ITGA8: variants seen among roughly 807,000 people sequenced by gnomAD.
The protein encoded by ITGA8 is integrin alpha-8.
ITGA8 carries 91 observed loss-of-function variants against 142.3 expected under a neutral mutation model. The observed-to-expected ratio is 0.64, with a 90% CI of 0.54 to 0.76. The LOEUF (loss-of-function observed/expected upper bound fraction) is 0.76. ITGA8 is among the 30% of genes least tolerant of loss of function. ITGA8 has a pLI of 0.00. For missense variants in ITGA8, 1,406 were observed against 1,327.7 expected, an observed-to-expected ratio of 1.06 and a Z score of -0.92; for synonymous variants, 505 against 485.2, an observed-to-expected ratio of 1.04 and a Z score of -0.54.
chr10:15,588,015 A>G (rs1042568969), intron 22 of ITGA8, among the ~76,000 whole-genome samples: 2 of 152,138 alleles, frequency 1.3e-5, no homozygotes, highest in Non-Finnish European at 2.9e-5. Flanking sequence ...CAGCCACATC[A>G]CCACTAACAG....
rs59435924 is a variant in ITGA8 at position 15,586,049 on chromosome 10, A to ATTTTT, written c.2372+530_2372+534dup. On this transcript the variant is annotated intron_variant, in intron 23 of 29. Coordinates refer to ENST00000378076, the MANE Select transcript of ITGA8 (RefSeq NM_003638.3). ...CACTGTCAATTTGGGGAATAAAGTG[A>ATTTTT]TTTTTTTTTTTTTTTTTTTTTTTTT... Among the ~76,000 whole-genome samples, 7 of 76,808 alleles carry ATTTTT rather than the reference A, an allele frequency of 9.1e-5. 2 individuals carry two copies. The highest frequency in any genetic ancestry group is 3.7e-4 in the African/African-American group (7 of 18,972). 50.4% of individuals were successfully genotyped at this position (76,808 alleles called of 152,430 possible).
intron 25 of ITGA8, among the ~76,000 whole-genome samples, chr10:15,567,163 AAAG>A (rs1369051495): frequency 2.0e-5 from 3 of 151,454 alleles, no homozygotes; most frequent in African/African-American, 4.8e-5. Context: ...TCAAAAAAAA[AAAG>A]AAGAAAAAAA....
chr10:15,626,794 A>G (rs143390719), intron 13 of ITGA8, among the ~76,000 whole-genome samples: 2 of 152,326 alleles, frequency 1.3e-5, no homozygotes, highest in East Asian at 3.9e-4. Context: ...TAGGGAGAAG[A>G]TGACCATCTA....
intron 26 of ITGA8, among the ~76,000 whole-genome samples, chr10:15,556,018 CTTTTT>C (rs869241754): frequency 5.6e-5 from 3 of 53,630 alleles, no homozygotes; most frequent in African/African-American, 8.6e-5. Flanking sequence ...CTCTCTCTCT[CTTTTT>C]TTTTTTTTTT....
intron 27 of ITGA8, among the ~76,000 whole-genome samples, chr10:15,539,026 A>G (rs1436433783): frequency 2.0e-5 from 3 of 150,142 alleles, no homozygotes; most frequent in Non-Finnish European, 4.4e-5. Context: ...GTTATAAACT[A>G]TACAAAGATC....
At chr10:15,683,303 ACC>A (rs1834774610) in intron 4 of ITGA8, among the ~76,000 whole-genome samples, 1 of 10,764 alleles carries the variant, frequency 9.3e-5, no homozygotes, top group Admixed American at 2.0e-3. Context: ...CCACCCATCC[ACC>A]CACCCACCCA....
chr10:15,672,732 TG>T lies in ITGA8; in HGVS notation c.693del (p.Ser232ValfsTer75), dbSNP rs1018543197. On this transcript the variant is annotated frameshift_variant, in exon 7 of 30. Transcript: ENST00000378076. LOFTEE classifies it high-confidence loss of function. ...SFYWQGQVIT[A>X]SVADIIANYS... Reference sequence around the variant, plus strand: ...TAATTTGCAATGATATCTGCAACACTGGCAGTGATCACTTGTCCTGTGTTTA... The same window carrying T: ...TAATTTGCAATGATATCTGCAACACTGCAGTGATCACTTGTCCTGTGTTTA... 5 of 1,610,080 alleles carry T rather than the reference TG, an allele frequency of 3.1e-6. No homozygotes were observed. The African/African-American group carries it at 6.7e-5, about 22-fold the overall frequency.
chr10:15,655,232 G>A, intron 11 of ITGA8, 122 bp downstream of exon 11: 1 of 583,092 alleles, frequency 1.7e-6, no homozygotes, highest in East Asian at 3.1e-5. Flanking sequence ...CAAAAAAGTT[G>A]AGAACAAGAG....
intron 3 of ITGA8, among the ~76,000 whole-genome samples, chr10:15,687,586 A>G (rs1834854886): frequency 6.6e-6 from 1 of 152,222 alleles, no homozygotes; most frequent in African/African-American, 2.4e-5. Context: ...TAGCATCCTT[A>G]TGGGAATAGT....
At chr10:15,714,110 A>C (rs769517978) in intron 2 of ITGA8, among the ~76,000 whole-genome samples, 2 of 152,144 alleles carry the variant, frequency 1.3e-5, no homozygotes, top group African/African-American at 2.4e-5. Context: ...TTTTTCCTCA[A>C]ACATTTTACT....
chr10:15,634,188 C>A (rs1833732038), intron 13 of ITGA8, among the ~76,000 whole-genome samples: 1 of 151,940 alleles, frequency 6.6e-6, no homozygotes, highest in South Asian at 2.1e-4. Context: ...TATTTTGTAC[C>A]CTCTTAAAGC....
At chr10:15,554,512 G>T (rs896217831) in intron 26 of ITGA8, among the ~76,000 whole-genome samples, 1 of 149,702 alleles carries the variant, frequency 6.7e-6, no homozygotes, top group Non-Finnish European at 1.5e-5. Context: ...CTTGTCTCCT[G>T]TATTGGAACT....
In ITGA8 at chr10:15,514,212, C is replaced by T. The variant is rs1211942220; in HGVS notation, c.*2946G>A. 1.3e-5 allele frequency: 2 copies of T among 152,048 alleles called. No individual in the cohort carries two copies. The highest frequency in any genetic ancestry group is 4.8e-5 in the African/African-American group (2 of 41,410). 9.4% of individuals were successfully genotyped at this position (152,048 alleles called of 1,614,324 possible). A position where few individuals can be genotyped will look rare whatever the true frequency, so the allele number is the denominator to read the frequency against. ...CTTTGAAGAGAAATACAGATAGACC[C>T]TCAGAGGAGCACAGCACATTATGAA... On this transcript the variant is annotated 3_prime_UTR_variant, in exon 30 of 30. Transcript: ENST00000378076.
chr10:15,630,555 A>G (rs1355384220), intron 13 of ITGA8, among the ~76,000 whole-genome samples: 1 of 151,916 alleles, frequency 6.6e-6, no homozygotes, highest in African/African-American at 2.4e-5. Context: ...GAAGGACAAC[A>G]GTTCAGGGAA....
intron 20 of ITGA8, 69 bp downstream of exon 20, chr10:15,604,139 C>T (rs1833151151): frequency 7.3e-7 from 1 of 1,376,516 alleles, no homozygotes; most frequent in South Asian, 1.3e-5. Flanking sequence ...CTAAGATGGC[C>T]CTTCTTAACA....
intron 27 of ITGA8, among the ~76,000 whole-genome samples, chr10:15,532,384 C>A (rs959844938): frequency 1.2e-4 from 17 of 138,578 alleles, no homozygotes; most frequent in African/African-American, 4.4e-4. Flanking sequence ...GTGCCACTGC[C>A]CTCCAGCCTG....
chr10:15,534,048 A>G (rs1833367389), intron 27 of ITGA8, among the ~76,000 whole-genome samples: 1 of 151,980 alleles, frequency 6.6e-6, no homozygotes, highest in African/African-American at 2.4e-5. Context: ...CTGGGACTAC[A>G]GGCAAGTACC....
intron 22 of ITGA8, among the ~76,000 whole-genome samples, chr10:15,591,022 T>C (rs1832912271): frequency 6.6e-6 from 1 of 152,240 alleles, no homozygotes; most frequent in East Asian, 1.9e-4. Context: ...AGAGTTTATA[T>C]ATTTTTAAAA....
chr10:15,610,101 A>T (rs1352195096), intron 15 of ITGA8, among the ~76,000 whole-genome samples: 1 of 152,014 alleles, frequency 6.6e-6, no homozygotes, highest in African/African-American at 2.4e-5. Flanking sequence ...TTTTTTTCAT[A>T]CAAGTGTAAT....
Sources: gnomAD v4.1 joint callset for allele counts (sites outside exome capture counted in the v4.1 genomes callset) on GRCh38, gnomAD v4.1.1 for gene constraint, MANE v1.5 for transcripts, NCBI Gene and HGNC (gene_info 2026-07-23, HGNC 2026-07-21) for gene names.